Variants in POLR2E observed in about 807,000 individuals in gnomAD.
POLR2E encodes RNA polymerase II, I and III subunit E, also known as DNA-directed RNA polymerases I, II, and III subunit RPABC1.
Under a neutral mutation model 29.8 loss-of-function variants are expected in POLR2E, and 35 were observed. The observed-to-expected ratio is 1.17, with a 90% CI of 0.90 to 1.55. The LOEUF (loss-of-function observed/expected upper bound fraction) is 1.55, where lower values mean the gene tolerates loss of function less well. POLR2E is among the 40% of genes most tolerant of loss of function. POLR2E has a pLI of 0.00. For synonymous variants in POLR2E, 174 were observed against 112.6 expected, an observed-to-expected ratio of 1.55 and a Z score of -3.45; for missense variants, 287 against 288.6, an observed-to-expected ratio of 0.99 and a Z score of 0.04.
rs781556560 is a variant in POLR2E, at chr19:1,089,919, G to T, written c.532C>A (p.Pro178Thr). The T allele has an allele frequency of 6.2e-7, 1 of 1,612,802 alleles. No individual in the cohort carries two copies. Among genetic ancestry groups the T allele is most frequent in the Non-Finnish European group, 8.5e-7 (1 of 1,179,934 alleles). The change falls in exon 6 of 8, where the codon CCT becomes ACT. Residue 178 changes from proline (P) to threonine (T), a missense_variant. Transcript: ENST00000615234. ...TTTATCCCAAAGTAGCGCGCCACAG[G>T]GTCCCCCGCCTGGATCCTGGGCAGC... Reference protein sequence around the residue: ...NQLPRIQAGDPVARYFGIKRG... With the variant: ...NQLPRIQAGDTVARYFGIKRG...
chr19:1,089,829 C>T, intron 6 of POLR2E, 55 bp downstream of exon 6: 2 of 1,407,482 alleles, frequency 1.4e-6, no homozygotes, highest in Non-Finnish European at 2.0e-6. Context: ...AAGCCCCCTT[C>T]TCCGAGTGGT....
chr19:1,090,250 G>A, intron 4 of POLR2E, 105 bp from the exon 5 acceptor site: 2 of 958,896 alleles, frequency 2.1e-6, no homozygotes, highest in Non-Finnish European at 3.3e-6. Flanking sequence ...CAAGAGCCCT[G>A]AACCCCACCC....
chr19:1,090,584 A>AT (rs1021982138), intron 4 of POLR2E, among the ~76,000 whole-genome samples: 1 of 150,130 alleles, frequency 6.7e-6, no homozygotes, highest in Non-Finnish European at 1.5e-5. Context: ...CGCCTGGCTA[A>AT]TTTTTTTGTA....
At chr19:1,093,876 C>T (rs781430686) in intron 2 of POLR2E, 28 bp downstream of exon 2, 23 of 1,542,026 alleles carry the variant, frequency 1.5e-5, no homozygotes, top group African/African-American at 8.3e-5. Flanking sequence ...GTGGCTTCAC[C>T]GGAACTCCCC....
chr19:1,090,023 G>C (rs1354745454), intron 5 of POLR2E, 61 bp from the exon 6 acceptor site: 28 of 1,323,642 alleles, frequency 2.1e-5, no homozygotes, highest in Non-Finnish European at 2.8e-5. Context: ...GGTGTGTGTG[G>C]GGGGGGAACG....
Position 1,090,156 on chromosome 19 carries a change from A to G in POLR2E, c.430-11T>C, listed in dbSNP as rs2043798533. 1 of 1,612,096 alleles carries G rather than the reference A, an allele frequency of 6.2e-7. No individual in the cohort carries two copies. The highest frequency in any genetic ancestry group is 8.5e-7 in the Non-Finnish European group (1 of 1,179,702). On this transcript the variant is annotated splice_polypyrimidine_tract_variant and intron_variant, in intron 4 of 7. Coordinates refer to ENST00000615234, the MANE Select transcript of POLR2E (RefSeq NM_002695.5). ...GTGCTCAGGGACTAGCTGCCGAGAG[A>G]GGAAGCCACCAGGCATCACCAAGGG...
intron 2 of POLR2E, among the ~76,000 whole-genome samples, chr19:1,093,262 C>A (rs2043875563): frequency 6.6e-6 from 1 of 152,236 alleles, no homozygotes; most frequent in Admixed American, 6.5e-5. Context: ...CTCCGTCACC[C>A]CACTGATTAA....
chr19:1,091,416 T>G (rs1650811633), intron 3 of POLR2E: 1 of 370,422 alleles, frequency 2.7e-6, no homozygotes, highest in South Asian at 2.9e-5. Context: ...GGAACACGGA[T>G]AGGCCCCTGG....
At position 1,093,978 on chromosome 19, in the gene POLR2E, G is replaced by A. The variant is rs779428291; in HGVS notation, c.158C>T (p.Pro53Leu). The change falls in exon 2 of 8, where the codon CCG (proline) becomes CTG (leucine). Residue 53 changes from proline (P) to leucine (L), a missense_variant. Pro to Leu is a moderately conservative substitution (Grantham distance 98). Transcript: ENST00000615234. ...CAGCACGGTGAGGTCCGTGCGCCGC[G>A]GCCGCCCCTCACTCGGCTTGTCCCC... ...QSGDKPSEGR[P>L]RRTDLTVLVA... 3 of 1,613,696 alleles carry A rather than the reference G, an allele frequency of 1.9e-6. No individual in the cohort carries two copies. Among genetic ancestry groups the A allele is most frequent in the Non-Finnish European group, 8.5e-7 (1 of 1,179,896 alleles).
chr19:1,092,614 G>C (rs752451617), intron 2 of POLR2E, among the ~76,000 whole-genome samples: 4 of 152,062 alleles, frequency 2.6e-5, no homozygotes, highest in Non-Finnish European at 5.9e-5. Flanking sequence ...CGTGAACCCG[G>C]GAGGCAGAGC....
intron 2 of POLR2E, 59 bp downstream of exon 2, chr19:1,093,845 G>T: frequency 2.7e-5 from 40 of 1,495,576 alleles, no homozygotes; most frequent in Non-Finnish European, 3.5e-5. Flanking sequence ...GCTAGCGACC[G>T]GCTCCTCGGC....
rs1403639147 is a variant in POLR2E, at chr19:1,090,882, G to A, written c.429+26C>T. The A allele has an allele frequency of 4.4e-6, 7 of 1,601,532 alleles. No individual in the cohort carries two copies. The Admixed American group carries it at 5.0e-5, about 11-fold the overall frequency. On this transcript the variant is annotated intron_variant, in intron 4 of 7. Coordinates refer to ENST00000615234, the MANE Select transcript of POLR2E (RefSeq NM_002695.5). ...GCTGCATCTCTGCCGGCCCCACGCA[G>A]GCGGGATTCCGCGGCGCGCGCCCAC...
intron 2 of POLR2E, chr19:1,093,663 T>G (rs2043885479): frequency 1.7e-6 from 2 of 1,163,218 alleles, no homozygotes; most frequent in Non-Finnish European, 2.2e-6. Flanking sequence ...CCCTTGTGAC[T>G]CTCCTCGTTG....
chr19:1,095,241 A>T lies in POLR2E; in HGVS notation c.57+18T>A, dbSNP rs1389720787. On this transcript the variant is annotated intron_variant, in intron 1 of 7. Coordinates refer to ENST00000615234, the MANE Select transcript of POLR2E (RefSeq NM_002695.5). Reference sequence around the variant, plus strand: ...CCCGCCGCCCGCGCCCCCGCCCCCAACACCAGGCGCGGCTCACCTGCATGA... The same window carrying T: ...CCCGCCGCCCGCGCCCCCGCCCCCATCACCAGGCGCGGCTCACCTGCATGA... The T allele has an allele frequency of 6.2e-7, 1 of 1,611,650 alleles. No homozygotes were observed. Among genetic ancestry groups the T allele is most frequent in the Admixed American group, 1.7e-5 (1 of 59,946 alleles).
rs369402085 is a variant in POLR2E at position 1,089,465 on chromosome 19, G to A, written c.*14+7C>T. On this transcript the variant is annotated splice_region_variant and intron_variant, in intron 7 of 7. Transcript: ENST00000615234. ...CCACCTCAGTGCCTGTCCCTCGGCC[G>A]TCTCACCTGTCAGGCGGTAGCTACT... is the stretch of plus-strand genomic sequence containing the variant. 56 of 1,602,008 alleles carry A rather than the reference G, an allele frequency of 3.5e-5. No homozygotes were observed. Among genetic ancestry groups the A allele is most frequent in the Non-Finnish European group, 4.4e-5 (51 of 1,169,620 alleles).
chr19:1,089,825 C>T, intron 6 of POLR2E, 59 bp downstream of exon 6: 1 of 1,372,944 alleles, frequency 7.3e-7, no homozygotes. Context: ...ACAGAAGCCC[C>T]CTTCTCCGAG....
At chr19:1,091,384 A>C (rs2043825544) in intron 3 of POLR2E, 1 of 364,754 alleles carries the variant, frequency 2.7e-6, no homozygotes, top group African/African-American at 2.1e-5. Context: ...GCCTGGCTCC[A>C]GAGTGTCCGA....
At chr19:1,093,858 G>A (rs1422816049) in intron 2 of POLR2E, 46 bp downstream of exon 2, 2 of 1,517,832 alleles carry the variant, frequency 1.3e-6, no homozygotes, top group African/African-American at 1.4e-5. Flanking sequence ...TCCTCGGCAG[G>A]TGCTCTGGTG....
intron 2 of POLR2E, among the ~76,000 whole-genome samples, chr19:1,092,636 A>T (rs2043861471): frequency 1.3e-5 from 2 of 152,016 alleles, no homozygotes; most frequent in Admixed American, 1.3e-4. Context: ...TGCAGTGGGC[A>T]GAGATTGCGC....
Sources: gnomAD v4.1 joint callset for allele counts (sites outside exome capture counted in the v4.1 genomes callset) on GRCh38, gnomAD v4.1.1 for gene constraint, MANE v1.5 for transcripts, NCBI Gene and HGNC (gene_info 2026-07-23, HGNC 2026-07-21) for gene names.